The following PLPP1 variants were observed in gnomAD, a reference collection of about 807,000 sequenced individuals.
PLPP1 encodes the protein lipid phosphate phosphohydrolase 1a.
A neutral mutation model predicts 31.2 loss-of-function variants in PLPP1; 24 were observed. The observed-to-expected ratio is 0.77, with a 90% CI of 0.56 to 1.08. PLPP1 has a LOEUF of 1.08. Ranked by LOEUF, PLPP1 falls within the 50% of genes least tolerant of loss-of-function variation. PLPP1 has a pLI of 0.00. For missense variants in PLPP1, 319 were observed against 342.7 expected (o/e 0.93, Z 0.55); for synonymous variants, 146 against 126.3 (o/e 1.16, Z -1.05).
chr5:55,473,722 A>C (rs1269249817), intron 2 of PLPP1, among the ~76,000 whole-genome samples: 1 of 151,942 alleles, frequency 6.6e-6, no homozygotes, highest in African/African-American at 2.4e-5. Flanking sequence ...CCGTGGTGCA[A>C]TCATGGCTCA....
intron 1 of PLPP1, among the ~76,000 whole-genome samples, chr5:55,485,654 G>GA (rs1477038837): frequency 6.6e-6 from 1 of 151,854 alleles, no homozygotes; most frequent in South Asian, 2.1e-4. Context: ...TTCCTTATTT[G>GA]AAAAAACAAT....
At chr5:55,458,626 G>A (rs1456271042) in intron 3 of PLPP1, among the ~76,000 whole-genome samples, 3 of 152,140 alleles carry the variant, frequency 2.0e-5, no homozygotes, top group Middle Eastern at 3.4e-3. Context: ...GGTGGCTCAC[G>A]CCTGTAGTCC....
intron 1 of PLPP1, among the ~76,000 whole-genome samples, chr5:55,481,405 A>C (rs888169863): frequency 1.3e-5 from 2 of 152,200 alleles, no homozygotes; most frequent in Admixed American, 1.3e-4. Context: ...CCATTGTACG[A>C]ATCTAAAACA....
chr5:55,473,161 C>T (rs977638016), intron 2 of PLPP1, among the ~76,000 whole-genome samples: 1 of 152,212 alleles, frequency 6.6e-6, no homozygotes, highest in Non-Finnish European at 1.5e-5. Context: ...ACCCTACTCC[C>T]TCCTTAATGG....
chr5:55,476,856 T>A (rs576085464), intron 1 of PLPP1, among the ~76,000 whole-genome samples: 1 of 152,308 alleles, frequency 6.6e-6, no homozygotes, highest in South Asian at 2.1e-4. Flanking sequence ...GAGAAGCACA[T>A]GAAATCACAT....
At chr5:55,425,463 T>A in intron 5 of PLPP1, 129 bp from the exon 6 acceptor site, 1 of 858,796 alleles carries the variant, frequency 1.2e-6, no homozygotes, top group Non-Finnish European at 1.7e-6. Context: ...ATTAAGCATA[T>A]AAAAAATTAG....
At chr5:55,474,042 G>C (rs890744508) in intron 2 of PLPP1, among the ~76,000 whole-genome samples, 2 of 149,778 alleles carry the variant, frequency 1.3e-5, no homozygotes, top group African/African-American at 4.9e-5. Context: ...TGTCAACCAG[G>C]CTGGAGTACA....
intron 1 of PLPP1, among the ~76,000 whole-genome samples, chr5:55,504,814 C>CTTTT (rs1170388009): frequency 7.2e-6 from 1 of 138,036 alleles, no homozygotes; most frequent in Non-Finnish European, 1.6e-5. Flanking sequence ...CCTAACTTTC[C>CTTTT]TTTTTTTTTT....
At chr5:55,514,704 C>T (rs1429027545) in intron 1 of PLPP1, among the ~76,000 whole-genome samples, 1 of 152,032 alleles carries the variant, frequency 6.6e-6, no homozygotes, top group Non-Finnish European at 1.5e-5. Flanking sequence ...AAATATAAGG[C>T]ATACATGCCA....
chr5:55,432,699 G>A (rs1239061623), intron 4 of PLPP1, among the ~76,000 whole-genome samples: 57 of 151,846 alleles, frequency 3.8e-4, no homozygotes, highest in Non-Finnish European at 1.0e-4. Context: ...TTTATCCCAG[G>A]GATGCAAGGA....
At chr5:55,501,104 G>A (rs1234084814) in intron 1 of PLPP1, among the ~76,000 whole-genome samples, 1 of 152,166 alleles carries the variant, frequency 6.6e-6, no homozygotes, top group African/African-American at 2.4e-5. Context: ...CACAACGTCA[G>A]GAGTTTGAGA....
At chr5:55,437,513 T>C (rs1361300539) in intron 4 of PLPP1, among the ~76,000 whole-genome samples, 10 of 151,690 alleles carry the variant, frequency 6.6e-5, no homozygotes, top group Admixed American at 6.6e-5. Context: ...ATTTATTATC[T>C]GACCTTTCAC....
At chr5:55,509,960 A>G (rs1305186581) in intron 1 of PLPP1, among the ~76,000 whole-genome samples, 3 of 152,156 alleles carry the variant, frequency 2.0e-5, no homozygotes, top group Non-Finnish European at 4.4e-5. Context: ...CGGCCACGTG[A>G]TTTTTATATG....
chr5:55,454,570 A>T (rs1751965468), intron 3 of PLPP1, among the ~76,000 whole-genome samples: 1 of 152,216 alleles, frequency 6.6e-6, no homozygotes, highest in Non-Finnish European at 1.5e-5. Flanking sequence ...TATTCCCTGG[A>T]GACTAAGTAG....
chr5:55,439,045 CCTG>C (rs1422839100), intron 4 of PLPP1, among the ~76,000 whole-genome samples: 1 of 152,174 alleles, frequency 6.6e-6, no homozygotes, highest in Non-Finnish European at 1.5e-5. Context: ...GTTGCTCTGG[CCTG>C]CTTTCTTCTC....
chr5:55,532,992 T>C lies in PLPP1; in HGVS notation c.58+1580A>G, dbSNP rs867606950. ...AAAAAGACAATGTGCCAAAATTGTG[T>C]TCCACTTTCCTAAACTTAATTCCTA... On this transcript the variant is annotated intron_variant, in intron 1 of 5. Coordinates refer to ENST00000307259, the MANE Select transcript of PLPP1 (RefSeq NM_003711.4). Among the ~76,000 whole-genome samples, 5 of 150,496 alleles carry C rather than the reference T, an allele frequency of 3.3e-5. 1 individual carries two copies. Among genetic ancestry groups the C allele is most frequent in the African/African-American group, 4.9e-5 (2 of 40,900 alleles).
At position 55,479,775 on chromosome 5, in the gene PLPP1, T is replaced by A. The variant is rs550549935; in HGVS notation, c.59-4325A>T. Among the ~76,000 whole-genome samples, 46 of 152,294 alleles carry A rather than the reference T, an allele frequency of 3.0e-4. No individual in the cohort carries two copies. In the South Asian group the frequency reaches 9.1e-3, roughly 30 times the overall value. ...TTAATCTAGTTAGAATTTCTACTCC[T>A]TGAAACCAAGAGAGACAAAGCAAAA... On this transcript the variant is annotated intron_variant, in intron 1 of 5. Coordinates refer to ENST00000307259, the MANE Select transcript of PLPP1 (RefSeq NM_003711.4).
At chr5:55,472,145 C>T (rs1238250777) in intron 2 of PLPP1, among the ~76,000 whole-genome samples, 1 of 152,200 alleles carries the variant, frequency 6.6e-6, no homozygotes, top group Non-Finnish European at 1.5e-5. Flanking sequence ...AACATACATA[C>T]ATAAAACCAC....
At chr5:55,482,570 G>A (rs1017538188) in intron 1 of PLPP1, among the ~76,000 whole-genome samples, 5 of 152,022 alleles carry the variant, frequency 3.3e-5, no homozygotes, top group Admixed American at 6.6e-5. Context: ...GCAGCACAGC[G>A]CCTATGTCCC....
Sources: gnomAD v4.1 joint callset for allele counts (sites outside exome capture counted in the v4.1 genomes callset) on GRCh38, gnomAD v4.1.1 for gene constraint, MANE v1.5 for transcripts, NCBI Gene and HGNC (gene_info 2026-07-23, HGNC 2026-07-21) for gene names.